TTC12: variants seen among roughly 807,000 people sequenced by gnomAD.
The protein encoded by TTC12 is tetratricopeptide repeat domain 12.
Under a neutral mutation model 90.1 loss-of-function variants are expected in TTC12, and 70 were observed. That is an observed-to-expected ratio of 0.78 (90% CI 0.64 to 0.95). The LOEUF is 0.95. Ranked by LOEUF, TTC12 falls within the 40% of genes least tolerant of loss-of-function variation. The pLI, the probability that TTC12 is intolerant of heterozygous loss-of-function variation, is 0.00. For synonymous variants in TTC12, 296 were observed against 311.5 expected (o/e 0.95, Z 0.53); for missense variants, 819 against 846.1 (o/e 0.97, Z 0.40).
chr11:113,351,203 T>C (rs1555150044), intron 14 of TTC12, 36 bp from the exon 15 acceptor site: 4 of 1,595,682 alleles, frequency 2.5e-6, no homozygotes, highest in Non-Finnish European at 3.4e-6. Flanking sequence ...GTTTATGCAA[T>C]GTAAAAATAA....
At chr11:113,352,801 C>G (rs1321670211) in intron 16 of TTC12, among the ~76,000 whole-genome samples, 1 of 152,156 alleles carries the variant, frequency 6.6e-6, no homozygotes, top group Non-Finnish European at 1.5e-5. Flanking sequence ...TTTTATGGCT[C>G]TGTGGTATTC....
rs1947634802 is a variant in TTC12, at chr11:113,325,566, A to T, written c.365A>T (p.Tyr122Phe). ...AATGAAGCATTTGCTGAAGGCAATT[A>T]TGAAACAGCTATCCTGCGCTACAGT... ...KGNEAFAEGN[Y>F]ETAILRYSEG... Residue 122 changes from tyrosine to phenylalanine, a missense_variant, in exon 6 of 22, where the codon TAT becomes TTT. Tyr to Phe is a conservative substitution (Grantham distance 22). Transcript: ENST00000529221. 5.0e-6 allele frequency: 8 copies of T among 1,613,916 alleles called. No homozygotes were observed. Among genetic ancestry groups the T allele is most frequent in the Non-Finnish European group, 6.8e-6 (8 of 1,179,870 alleles).
In TTC12 at chr11:113,366,306, A is replaced by G. The variant is rs2138092740; in HGVS notation, c.*6A>G. The G allele has an allele frequency of 1.2e-6, 2 of 1,613,436 alleles. No homozygotes were observed. The highest frequency in any genetic ancestry group is 2.2e-5 in the South Asian group (2 of 91,084). On this transcript the variant is annotated 3_prime_UTR_variant, in exon 22 of 22. Transcript: ENST00000529221. ...AATACATCAGTGATTCTTGAGAGAGACAGGGTTTGTGTGCATTTGGGGAAC... is the reference window on the plus strand; with the variant it reads ...AATACATCAGTGATTCTTGAGAGAGGCAGGGTTTGTGTGCATTTGGGGAAC...
downstream of TTC12, among the ~76,000 whole-genome samples, chr11:113,367,886 C>T (rs1950264987): frequency 2.0e-5 from 3 of 152,342 alleles, no homozygotes; most frequent in South Asian, 6.2e-4. Flanking sequence ...ATCATGCAAA[C>T]AAACACCCTT....
At chr11:113,360,622 C>G (rs1205653807) in intron 18 of TTC12, among the ~76,000 whole-genome samples, 1 of 152,168 alleles carries the variant, frequency 6.6e-6, no homozygotes, top group East Asian at 1.9e-4. Context: ...TGCCATCACC[C>G]TAGAACGTAT....
At chr11:113,346,830 T>TC (rs1365127911) in intron 13 of TTC12, among the ~76,000 whole-genome samples, 17 of 151,772 alleles carry the variant, frequency 1.1e-4, no homozygotes, top group Non-Finnish European at 2.2e-4. Context: ...ATTTTTATAA[T>TC]CATTTTCTCT....
chr11:113,316,125 TAAAC>T (rs1946925117), intron 1 of TTC12, 114 bp from the exon 2 acceptor site: 1 of 441,922 alleles, frequency 2.3e-6, no homozygotes, highest in African/African-American at 2.0e-5. Context: ...TTCATTGACA[TAAAC>T]AAAACTGTCA....
intron 13 of TTC12, among the ~76,000 whole-genome samples, chr11:113,348,851 G>C (rs1949113065): frequency 6.6e-6 from 1 of 152,196 alleles, no homozygotes; most frequent in Non-Finnish European, 1.5e-5. Flanking sequence ...CAGGATCTGG[G>C]CTCTGTCCAG....
At chr11:113,347,474 A>G (rs1173021388) in intron 13 of TTC12, among the ~76,000 whole-genome samples, 7 of 152,132 alleles carry the variant, frequency 4.6e-5, no homozygotes, top group Admixed American at 4.6e-4. Flanking sequence ...GTCTTTCCCC[A>G]ATTAGCGAGA....
At chr11:113,341,735 A>T in intron 11 of TTC12, 102 bp from the exon 12 acceptor site, 1 of 903,558 alleles carries the variant, frequency 1.1e-6, no homozygotes, top group South Asian at 1.3e-5. Context: ...TACTTTCTCA[A>T]ACCTGTATTT....
intron 13 of TTC12, among the ~76,000 whole-genome samples, chr11:113,346,284 G>A (rs543302786): frequency 1.4e-4 from 22 of 152,104 alleles, no homozygotes; most frequent in African/African-American, 3.4e-4. Context: ...GACAGGCCCC[G>A]GCATCTCATC....
intron 5 of TTC12, 139 bp from the exon 6 acceptor site, chr11:113,325,384 GA>G (rs1345758968): frequency 3.1e-5 from 30 of 957,090 alleles, no homozygotes; most frequent in Admixed American, 8.3e-5. Flanking sequence ...AGTATCTGCA[GA>G]AAAAAACAAG....
At chr11:113,324,128 A>G (rs1555139962) in intron 4 of TTC12, 113 bp downstream of exon 4, 1 of 807,100 alleles carries the variant, frequency 1.2e-6, no homozygotes, top group Non-Finnish European at 2.0e-6. Context: ...ACAACCTGTG[A>G]ACAAAAACCT....
intron 15 of TTC12, among the ~76,000 whole-genome samples, 196 bp downstream of exon 15, chr11:113,351,495 C>T (rs1239965253): frequency 1.3e-5 from 2 of 152,134 alleles, no homozygotes; most frequent in African/African-American, 2.4e-5. Context: ...ATATGGATGG[C>T]GCTGGTTACA....
chr11:113,344,065 C>T (rs933704449), intron 12 of TTC12, among the ~76,000 whole-genome samples: 5 of 152,096 alleles, frequency 3.3e-5, no homozygotes, highest in Non-Finnish European at 7.4e-5. Flanking sequence ...ATGAGGAGAC[C>T]GAGGAGCACA....
downstream of TTC12, chr11:113,371,343 G>T (rs562919240): frequency 6.6e-6 from 1 of 152,288 alleles, no homozygotes; most frequent in East Asian, 1.9e-4. Context: ...TATGTAAATA[G>T]TGGATATACT....
chr11:113,359,462 G>T lies in TTC12; in HGVS notation c.1545+1G>T. The T allele has an allele frequency of 6.2e-7, 1 of 1,607,724 alleles. No individual in the cohort carries two copies. The highest frequency in any genetic ancestry group is 8.5e-7 in the Non-Finnish European group (1 of 1,174,362). Reference sequence around the variant, plus strand: ...TCTTCAGGCTCCCTTTGTCTCTGAGGTATGGCATTCTTGTCTCCCTGCCTG... The same window carrying T: ...TCTTCAGGCTCCCTTTGTCTCTGAGTTATGGCATTCTTGTCTCCCTGCCTG... On this transcript the variant is annotated splice_donor_variant, in intron 17 of 21. Coordinates refer to ENST00000529221, the MANE Select transcript of TTC12 (RefSeq NM_017868.4). LOFTEE classifies it high-confidence loss of function.
chr11:113,329,095 T>A (rs1555141893), intron 6 of TTC12, among the ~76,000 whole-genome samples: 1 of 152,242 alleles, frequency 6.6e-6, no homozygotes, highest in African/African-American at 2.4e-5. Context: ...TGAACATTCA[T>A]GTGTAAGCAT....
At position 113,362,305 on chromosome 11, in the gene TTC12, T is replaced by C. The variant is rs1242450277; in HGVS notation, c.1615-96T>C. 3 of 815,406 alleles carry C rather than the reference T, an allele frequency of 3.7e-6. No individual in the cohort carries two copies. In the Admixed American group the frequency reaches 6.7e-5, roughly 18 times the overall value. The allele number at this position is 815,406 out of a possible 1,614,324, so 50.5% of individuals were successfully genotyped here. Reference sequence around the variant, plus strand: ...TTTTTATATTTTGCTTCCAATATAATGATTGCTTTTGCCTCACCAAACTCC... The same window carrying C: ...TTTTTATATTTTGCTTCCAATATAACGATTGCTTTTGCCTCACCAAACTCC... On this transcript the variant is annotated intron_variant, in intron 18 of 21. Transcript: ENST00000529221.
Sources: gnomAD v4.1 joint callset for allele counts (sites outside exome capture counted in the v4.1 genomes callset) on GRCh38, gnomAD v4.1.1 for gene constraint, MANE v1.5 for transcripts, NCBI Gene and HGNC (gene_info 2026-07-23, HGNC 2026-07-21) for gene names.